NEGR1: variants seen among roughly 807,000 people sequenced by gnomAD.
NEGR1 encodes neuronal growth regulator 1.
In NEGR1, 10 loss-of-function variants were observed where a neutral mutation model predicts 40.9. That is an observed-to-expected ratio of 0.24 (90% CI 0.15 to 0.42). The LOEUF (loss-of-function observed/expected upper bound fraction) is 0.42, where lower values mean the gene tolerates loss of function less well. NEGR1 is among the 10% of genes least tolerant of loss of function. The pLI is 1.00. For missense variants in NEGR1, 352 were observed against 438.9 expected, an observed-to-expected ratio of 0.80 and a Z score of 1.77; for synonymous variants, 185 against 166.8, an observed-to-expected ratio of 1.11 and a Z score of -0.84.
intron 1 of NEGR1, among the ~76,000 whole-genome samples, chr1:72,159,106 T>G (rs888246424): frequency 1.3e-5 from 2 of 152,168 alleles, no homozygotes; most frequent in African/African-American, 4.8e-5. Context: ...ACATGAGCAT[T>G]TTCTTCTGTG....
At chr1:72,143,930 T>TATAAAAAAA (rs1553145052) in intron 1 of NEGR1, among the ~76,000 whole-genome samples, 25 of 140,502 alleles carry the variant, frequency 1.8e-4, no homozygotes, top group South Asian at 6.5e-4. Flanking sequence ...TATATATATA[T>TATAAAAAAA]ATATATATAT....
chr1:71,855,074 C>T (rs1471432353), intron 2 of NEGR1, among the ~76,000 whole-genome samples: 2 of 152,108 alleles, frequency 1.3e-5, no homozygotes, highest in Non-Finnish European at 1.5e-5. Context: ...TTAAGATCCT[C>T]TACACTTCTT....
At chr1:72,023,906 G>C (rs1054987252) in intron 1 of NEGR1, among the ~76,000 whole-genome samples, 20 of 151,984 alleles carry the variant, frequency 1.3e-4, no homozygotes, top group African/African-American at 4.6e-4. Flanking sequence ...TTAAACAAAA[G>C]AATAATCACA....
intron 1 of NEGR1, among the ~76,000 whole-genome samples, chr1:72,006,062 T>C (rs1046794234): frequency 6.6e-6 from 1 of 152,216 alleles, no homozygotes; most frequent in African/African-American, 2.4e-5. Flanking sequence ...ATGTCTGTCA[T>C]TTAATCATGG....
At chr1:72,145,195 GGGA>G (rs1650860368) in intron 1 of NEGR1, among the ~76,000 whole-genome samples, 1 of 152,106 alleles carries the variant, frequency 6.6e-6, no homozygotes, top group Non-Finnish European at 1.5e-5. Context: ...TTAAATATCT[GGGA>G]TAAGATAACA....
intron 2 of NEGR1, among the ~76,000 whole-genome samples, chr1:71,836,480 G>GTATA (rs10668432): frequency 0.17 from 24,014 of 144,328 alleles, 2,313 homozygotes; most frequent in Admixed American, 0.27. Flanking sequence ...ATATATATGT[G>GTATA]TATATATATA....
At chr1:71,806,785 C>T (rs1416054010) in intron 2 of NEGR1, among the ~76,000 whole-genome samples, 1 of 151,804 alleles carries the variant, frequency 6.6e-6, no homozygotes, top group Admixed American at 6.6e-5. Context: ...AGGCCTCAGA[C>T]TTATCTGAAA....
chr1:72,004,452 C>T (rs1297734660), intron 1 of NEGR1, among the ~76,000 whole-genome samples: 1 of 152,052 alleles, frequency 6.6e-6, no homozygotes, highest in Non-Finnish European at 1.5e-5. Context: ...TGCGCCACCA[C>T]TCGCAGCAAA....
chr1:72,241,710 G>C lies in NEGR1; in HGVS notation c.176+40609C>G, dbSNP rs1654751154. Among the ~76,000 whole-genome samples the C allele has an allele frequency of 2.0e-5, 3 of 151,338 alleles. No homozygotes were observed. The South Asian group carries it at 6.2e-4, about 31-fold the overall frequency. ...AGTGCAGTGATATTATATATTCCAG[G>C]TATATATTCCTTCAACTTCTTTTTT... On this transcript the variant is annotated intron_variant, in intron 1 of 6. Coordinates refer to ENST00000357731, the MANE Select transcript of NEGR1 (RefSeq NM_173808.3).
chr1:72,007,758 TTACTC>T (rs1297921329), intron 1 of NEGR1, among the ~76,000 whole-genome samples: 1 of 152,208 alleles, frequency 6.6e-6, no homozygotes, highest in Non-Finnish European at 1.5e-5. Flanking sequence ...TTTTCACAAT[TTACTC>T]TAAAGATATA....
In NEGR1 at chr1:71,914,434, T is replaced by C. The variant is rs190169868; in HGVS notation, c.409+20645A>G. On this transcript the variant is annotated intron_variant, in intron 2 of 6. Coordinates refer to ENST00000357731, the MANE Select transcript of NEGR1 (RefSeq NM_173808.3). Reference sequence around the variant, plus strand: ...TTGTGCTCTGAATGGATAAGTTAACTGGAAATAAGTCTAAGCCCAGGTAAT... The same window carrying C: ...TTGTGCTCTGAATGGATAAGTTAACCGGAAATAAGTCTAAGCCCAGGTAAT... 1.0e-3 allele frequency among the ~76,000 whole-genome samples: 154 copies of C among 152,344 alleles called. 1 individual carries two copies. The highest frequency in any genetic ancestry group is 4.6e-4 in the Non-Finnish European group (31 of 68,034).
chr1:71,750,011 G>C (rs1311480276), intron 3 of NEGR1, among the ~76,000 whole-genome samples: 1 of 125,468 alleles, frequency 8.0e-6, no homozygotes, highest in Non-Finnish European at 1.6e-5. Context: ...TTTTGAGACG[G>C]AGTCTCGCTC....
intron 6 of NEGR1, among the ~76,000 whole-genome samples, chr1:71,465,081 G>C (rs538855871): frequency 2.0e-5 from 3 of 152,176 alleles, no homozygotes; most frequent in Admixed American, 2.0e-4. Flanking sequence ...AGACTTTTCA[G>C]AATTTATACC....
chr1:72,274,735 T>C lies in NEGR1; in HGVS notation c.176+7584A>G, dbSNP rs114875057. 2.2e-3 allele frequency: 2,410 copies of C among 1,092,306 alleles called. 42 individuals are homozygous for C. The African/African-American group carries it at 0.032, about 15-fold the overall frequency. The allele number at this position is 1,092,306 out of a possible 1,614,324, so 67.7% of individuals were successfully genotyped here. On this transcript the variant is annotated intron_variant, in intron 1 of 6. Transcript: ENST00000357731. ...GAATGGAAAAGTAATTGGAGTAAAA[T>C]CGGAAGGAGAAATTGCTTGCTGTAA...
chr1:71,748,777 G>C (rs1655470468), intron 3 of NEGR1, among the ~76,000 whole-genome samples: 1 of 151,922 alleles, frequency 6.6e-6, no homozygotes, highest in African/African-American at 2.4e-5. Flanking sequence ...TTTCACTTTG[G>C]CATGAAAAAA....
intron 1 of NEGR1, among the ~76,000 whole-genome samples, chr1:72,052,743 A>G (rs1484676878): frequency 6.6e-6 from 1 of 151,544 alleles, no homozygotes; most frequent in East Asian, 1.9e-4. Flanking sequence ...TTGCATAAAA[A>G]TAGTGAAACA....
At chr1:71,481,270 C>G (rs1646852037) in intron 6 of NEGR1, among the ~76,000 whole-genome samples, 1 of 151,536 alleles carries the variant, frequency 6.6e-6, no homozygotes, top group Non-Finnish European at 1.5e-5. Flanking sequence ...TGGTGCTCAC[C>G]TATTTGAAGG....
intron 3 of NEGR1, among the ~76,000 whole-genome samples, chr1:71,737,123 CAAAGT>C (rs766076166): frequency 3.3e-5 from 5 of 152,160 alleles, no homozygotes; most frequent in East Asian, 3.9e-4. Context: ...AAACCTCAAG[CAAAGT>C]AGAGATGTAA....
At chr1:72,168,007 T>TAC (rs34738636) in intron 1 of NEGR1, among the ~76,000 whole-genome samples, 6 of 68,896 alleles carry the variant, frequency 8.7e-5, no homozygotes, top group Admixed American at 5.1e-4. Flanking sequence ...TTATTATTAT[T>TAC]TTTTTTTTTT....
Sources: gnomAD v4.1 joint callset for allele counts (sites outside exome capture counted in the v4.1 genomes callset) on GRCh38, gnomAD v4.1.1 for gene constraint, MANE v1.5 for transcripts, NCBI Gene and HGNC (gene_info 2026-07-23, HGNC 2026-07-21) for gene names.